The following PITPNC1 variants were observed in gnomAD, a reference collection of about 807,000 sequenced individuals.
The protein encoded by PITPNC1 is phosphatidylinositol transfer protein cytoplasmic 1, also known as cytoplasmic phosphatidylinositol transfer protein 1.
Under a neutral mutation model 44.7 loss-of-function variants are expected in PITPNC1, and 18 were observed. That is an observed-to-expected ratio of 0.40 (90% CI 0.28 to 0.60). The LOEUF is 0.60. PITPNC1 is among the 20% of genes least tolerant of loss of function. The pLI, the probability that PITPNC1 is intolerant of heterozygous loss-of-function variation, is 0.39. For synonymous variants in PITPNC1, 141 were observed against 149.6 expected (o/e 0.94, Z 0.42); for missense variants, 290 against 418.4 (o/e 0.69, Z 2.68).
chr17:67,681,280 A>C (rs1271312889), intron 8 of PITPNC1, among the ~76,000 whole-genome samples: 3 of 152,194 alleles, frequency 2.0e-5, no homozygotes, highest in Admixed American at 1.3e-4. Flanking sequence ...ATATGTAGTC[A>C]ACAGGATTAC....
rs1339373748 is a variant in PITPNC1, at chr17:67,466,104, G to A, written c.49-66698G>A. ...CAGCCTTGAACTTCTGGGCTCCAGC[G>A]ATCCCCCTACCTTAGCCTCCTGAGT... On this transcript the variant is annotated intron_variant, in intron 1 of 8. Coordinates refer to ENST00000581322, the MANE Select transcript of PITPNC1 (RefSeq NM_012417.4). 2.7e-5 allele frequency among the ~76,000 whole-genome samples: 4 copies of A among 146,664 alleles called. No individual in the cohort carries two copies. In the East Asian group the frequency reaches 6.0e-4, roughly 22 times the overall value.
chr17:67,477,758 C>T (rs1302068920), intron 1 of PITPNC1, among the ~76,000 whole-genome samples: 1 of 152,138 alleles, frequency 6.6e-6, no homozygotes, highest in Non-Finnish European at 1.5e-5. Flanking sequence ...GAGTGGCCTC[C>T]ATCGAGGGCC....
At chr17:67,472,491 G>C (rs73342166) in intron 1 of PITPNC1, among the ~76,000 whole-genome samples, 80,087 of 150,774 alleles carry the variant, frequency 0.53, 23,451 homozygotes, top group African/African-American at 0.8. Context: ...ACTAAAAATA[G>C]AAAAAATTAG....
intron 8 of PITPNC1, among the ~76,000 whole-genome samples, chr17:67,688,183 A>G (rs1043078330): frequency 1.3e-4 from 20 of 151,652 alleles, no homozygotes; most frequent in African/African-American, 4.8e-4. Context: ...TACTTAAAAT[A>G]CAAAATTAGC....
chr17:67,488,123 G>C (rs576592682), intron 1 of PITPNC1, among the ~76,000 whole-genome samples: 1 of 152,292 alleles, frequency 6.6e-6, no homozygotes, highest in South Asian at 2.1e-4. Context: ...AAAGATGAAA[G>C]GTAAGTCCCT....
At chr17:67,548,078 AT>A (rs1490116767) in intron 2 of PITPNC1, among the ~76,000 whole-genome samples, 1 of 152,180 alleles carries the variant, frequency 6.6e-6, no homozygotes, top group Non-Finnish European at 1.5e-5. Context: ...ACAACCGAAA[AT>A]GTCCAGACAT....
At chr17:67,687,392 G>A (rs1292426273) in intron 8 of PITPNC1, among the ~76,000 whole-genome samples, 2 of 152,132 alleles carry the variant, frequency 1.3e-5, no homozygotes, top group African/African-American at 2.4e-5. Context: ...GTTGCTTGAC[G>A]TGGAGGTTAT....
intron 5 of PITPNC1, among the ~76,000 whole-genome samples, chr17:67,622,150 G>A (rs892895967): frequency 5.3e-5 from 8 of 151,744 alleles, no homozygotes; most frequent in African/African-American, 9.7e-5. Context: ...CCAGCTACTC[G>A]GGAAGCTGAG....
In PITPNC1 at chr17:67,424,794, C is replaced by G. The variant is rs1159083883; in HGVS notation, c.48+46592C>G. Among the ~76,000 whole-genome samples, 11 of 152,044 alleles carry G rather than the reference C, an allele frequency of 7.2e-5. No individual in the cohort carries two copies. In the South Asian group the frequency reaches 2.3e-3, roughly 32 times the overall value. Reference sequence around the variant, plus strand: ...CGCTGCAACCTCCGCCTCCTAGGTTCAGGCGATTCTCTTGCCTCAGTGTCA... The same window carrying G: ...CGCTGCAACCTCCGCCTCCTAGGTTGAGGCGATTCTCTTGCCTCAGTGTCA... On this transcript the variant is annotated intron_variant, in intron 1 of 8. Coordinates refer to ENST00000581322, the MANE Select transcript of PITPNC1 (RefSeq NM_012417.4).
intron 8 of PITPNC1, among the ~76,000 whole-genome samples, chr17:67,680,095 G>T (rs951260303): frequency 6.6e-6 from 1 of 152,180 alleles, no homozygotes; most frequent in Non-Finnish European, 1.5e-5. Context: ...AATGAGGGAG[G>T]CAAGATTAAA....
intron 2 of PITPNC1, among the ~76,000 whole-genome samples, chr17:67,535,311 T>A (rs138130415): frequency 1.6e-3 from 245 of 152,294 alleles, no homozygotes; most frequent in African/African-American, 5.5e-3. Flanking sequence ...AGGGTGTAAA[T>A]CAAATACTGA....
chr17:67,482,436 A>C (rs1474092538), intron 1 of PITPNC1, among the ~76,000 whole-genome samples: 2 of 152,182 alleles, frequency 1.3e-5, no homozygotes, highest in Non-Finnish European at 2.9e-5. Context: ...CTTCACAATA[A>C]GATCAAATTT....
chr17:67,554,046 A>G (rs2040802173), intron 4 of PITPNC1, among the ~76,000 whole-genome samples: 1 of 152,176 alleles, frequency 6.6e-6, no homozygotes, highest in African/African-American at 2.4e-5. Context: ...CACATGTGCA[A>G]ACTATTTTGC....
At chr17:67,391,149 G>GA (rs149435122) in intron 1 of PITPNC1, among the ~76,000 whole-genome samples, 38,904 of 149,876 alleles carry the variant, frequency 0.26, 5,304 homozygotes, top group African/African-American at 0.34. Context: ...CCTGAGCAAA[G>GA]AAAAAAAAAT....
At chr17:67,525,136 T>A (rs1210076026) in intron 1 of PITPNC1, 1 of 152,160 alleles carries the variant, frequency 6.6e-6, no homozygotes, top group Non-Finnish European at 1.5e-5. Context: ...AAAGAAAATT[T>A]AAAATTCAAT....
intron 8 of PITPNC1, among the ~76,000 whole-genome samples, chr17:67,687,896 A>C (rs1479631990): frequency 6.6e-6 from 1 of 152,140 alleles, no homozygotes; most frequent in Non-Finnish European, 1.5e-5. Flanking sequence ...ATGCTAATGA[A>C]GGGTAGCTAG....
rs113903369 is a variant in PITPNC1, at chr17:67,564,161, GTGGATGGATGGATGGA to G, written c.294+10571_294+10586del. On this transcript the variant is annotated intron_variant, in intron 4 of 8. Transcript: ENST00000581322. ...AAGATAGATTAGATAGGTAGATTGG[GTGGATGGATGGATGGA>G]TGGATGGATGGATGGATGGATGGAT... 3.2e-4 allele frequency among the ~76,000 whole-genome samples: 47 copies of G among 148,554 alleles called. 1 individual carries two copies. The highest frequency in any genetic ancestry group is 3.4e-3 in the Middle Eastern group (1 of 290).
At chr17:67,632,962 T>C (rs571691577) in intron 6 of PITPNC1, among the ~76,000 whole-genome samples, 4 of 152,366 alleles carry the variant, frequency 2.6e-5, no homozygotes, top group African/African-American at 9.6e-5. Context: ...GACATCTCCT[T>C]TGTTCTTGGC....
chr17:67,554,485 T>C (rs1318808524), intron 4 of PITPNC1, among the ~76,000 whole-genome samples: 1 of 152,164 alleles, frequency 6.6e-6, no homozygotes, highest in Admixed American at 6.5e-5. Context: ...CTCGAACTCC[T>C]GACCTTAGGC....
Sources: allele counts gnomAD v4.1 joint callset (sites outside exome capture counted in the v4.1 genomes callset), GRCh38; gene constraint gnomAD v4.1.1; transcripts MANE v1.5; gene names NCBI Gene and HGNC (gene_info 2026-07-23, HGNC 2026-07-21).